Variants in HDAC9 observed in about 807,000 individuals in gnomAD.
HDAC9 encodes the protein MEF-2 interacting transcription repressor (MITR) protein.
In HDAC9, 41 loss-of-function variants were observed where a neutral mutation model predicts 139.4. That is an observed-to-expected ratio of 0.29 (90% CI 0.23 to 0.38). The LOEUF (loss-of-function observed/expected upper bound fraction) is 0.38, where lower values mean the gene tolerates loss of function less well. HDAC9 is among the 10% of genes least tolerant of loss of function. The pLI, the probability that HDAC9 is intolerant of heterozygous loss-of-function variation, is 1.00. For synonymous variants in HDAC9, 517 were observed against 476.2 expected (o/e 1.09, Z -1.12); for missense variants, 1,147 against 1,297.0 (o/e 0.88, Z 1.78).
At chr7:18,866,368 C>A (rs1798497570) in intron 21 of HDAC9, among the ~76,000 whole-genome samples, 1 of 152,080 alleles carries the variant, frequency 6.6e-6, no homozygotes, top group South Asian at 2.1e-4. Context: ...GCCATGAAGG[C>A]AAGAGATCAG....
At chr7:18,623,588 A>G (rs1426377235) in intron 6 of HDAC9, among the ~76,000 whole-genome samples, 1 of 152,134 alleles carries the variant, frequency 6.6e-6, no homozygotes, top group Non-Finnish European at 1.5e-5. Context: ...TCTTTTGTAG[A>G]TGATAAAATG....
chr7:18,545,939 C>A (rs1814658460), intron 2 of HDAC9, among the ~76,000 whole-genome samples: 3 of 152,282 alleles, frequency 2.0e-5, no homozygotes, highest in South Asian at 4.1e-4. Flanking sequence ...AATCTCTAGA[C>A]TAAAATTTCT....
At chr7:18,587,688 A>G (rs1192661219) in intron 3 of HDAC9, among the ~76,000 whole-genome samples, 1 of 152,196 alleles carries the variant, frequency 6.6e-6, no homozygotes, top group African/African-American at 2.4e-5. Context: ...TAGCCAATAA[A>G]TTGTTGCTCC....
intron 2 of HDAC9, among the ~76,000 whole-genome samples, chr7:18,551,519 GAT>G (rs1817123807): frequency 6.6e-6 from 1 of 152,128 alleles, no homozygotes. Context: ...CAACTAGTGA[GAT>G]AGAAACCCTG....
intron 21 of HDAC9, among the ~76,000 whole-genome samples, chr7:18,872,230 G>A (rs897078188): frequency 1.3e-5 from 2 of 151,884 alleles, no homozygotes; most frequent in Admixed American, 1.3e-4. Context: ...TTACTTTTTG[G>A]AATGAGTTCA....
intron 6 of HDAC9, among the ~76,000 whole-genome samples, chr7:18,615,663 T>C (rs978095738): frequency 2.0e-5 from 3 of 152,202 alleles, no homozygotes; most frequent in Non-Finnish European, 2.9e-5. Context: ...TGTGTGATCA[T>C]ATATCATTAA....
At chr7:18,546,574 A>T (rs1229295410) in intron 2 of HDAC9, among the ~76,000 whole-genome samples, 1 of 152,046 alleles carries the variant, frequency 6.6e-6, no homozygotes, top group Non-Finnish European at 1.5e-5. Flanking sequence ...CTTTTGTTTG[A>T]CTTTAACACC....
chr7:18,394,177 A>T (rs1786807025), intron 1 of HDAC9, among the ~76,000 whole-genome samples: 1 of 152,220 alleles, frequency 6.6e-6, no homozygotes, highest in Non-Finnish European at 1.5e-5. Flanking sequence ...AATATTTAGA[A>T]AGAGGCTATC....
At chr7:18,098,118 A>G (rs1322503471) in intron 1 of HDAC9, among the ~76,000 whole-genome samples, 2 of 152,238 alleles carry the variant, frequency 1.3e-5, no homozygotes, top group Admixed American at 6.5e-5. Flanking sequence ...GTCCTTACAT[A>G]AGATGTAATC....
chr7:18,982,734 G>A (rs935682123), intron 25 of HDAC9, among the ~76,000 whole-genome samples: 2 of 152,072 alleles, frequency 1.3e-5, no homozygotes, highest in African/African-American at 4.8e-5. Flanking sequence ...TCATGCGTGT[G>A]TACTGTATTT....
At chr7:18,967,646 T>C (rs1329931943) in intron 24 of HDAC9, among the ~76,000 whole-genome samples, 1 of 152,196 alleles carries the variant, frequency 6.6e-6, no homozygotes, top group East Asian at 1.9e-4. Flanking sequence ...AGAGCAGGAA[T>C]GTACTTAGCA....
At chr7:18,902,726 G>A (rs968437177) in intron 22 of HDAC9, among the ~76,000 whole-genome samples, 9 of 152,080 alleles carry the variant, frequency 5.9e-5, no homozygotes, top group South Asian at 2.1e-4. Flanking sequence ...ATTTAGCTAC[G>A]TATTTGAATT....
chr7:18,249,578 G>A (rs1327485799), intron 2 of HDAC9, among the ~76,000 whole-genome samples: 1 of 151,260 alleles, frequency 6.6e-6, no homozygotes, highest in South Asian at 2.1e-4. Flanking sequence ...TTTTACAGGG[G>A]AGAGGTTATT....
chr7:18,494,596 T>C (rs2128137333), upstream of HDAC9, among the ~76,000 whole-genome samples: 1 of 152,184 alleles, frequency 6.6e-6, no homozygotes, highest in Middle Eastern at 3.4e-3. Flanking sequence ...AATTTATCTC[T>C]TATATAGAAA....
intron 2 of HDAC9, among the ~76,000 whole-genome samples, chr7:18,165,708 C>T (rs1164427439): frequency 6.6e-6 from 1 of 151,258 alleles, no homozygotes; most frequent in Non-Finnish European, 1.5e-5. Flanking sequence ...GAGGATTGCT[C>T]GAGCCCAGGA....
intron 2 of HDAC9, among the ~76,000 whole-genome samples, chr7:18,253,598 C>T (rs302137): frequency 0.49 from 73,780 of 151,936 alleles, 17,960 homozygotes; most frequent in Admixed American, 0.57. Flanking sequence ...TTTAATGGAA[C>T]TGACAAACCA....
intron 1 of HDAC9, among the ~76,000 whole-genome samples, chr7:18,459,600 C>T (rs1457374167): frequency 6.6e-6 from 1 of 151,964 alleles, no homozygotes; most frequent in East Asian, 1.9e-4. Context: ...GCTCCCTTGC[C>T]AGTAAATCGT....
At chr7:18,241,182 A>G (rs1464966244) in intron 2 of HDAC9, among the ~76,000 whole-genome samples, 7 of 152,210 alleles carry the variant, frequency 4.6e-5, no homozygotes, top group Admixed American at 2.0e-4. Flanking sequence ...ACTGCTGTTT[A>G]TCAACTATGT....
chr7:18,819,984 G>T (rs1288277414), intron 17 of HDAC9, among the ~76,000 whole-genome samples: 2 of 152,092 alleles, frequency 1.3e-5, no homozygotes, highest in South Asian at 2.1e-4. Flanking sequence ...AATCTAAATT[G>T]TATTGCATAA....
Sources: allele counts gnomAD v4.1 joint callset (sites outside exome capture counted in the v4.1 genomes callset), GRCh38; gene constraint gnomAD v4.1.1; transcripts MANE v1.5; gene names NCBI Gene and HGNC (gene_info 2026-07-23, HGNC 2026-07-21).